Variants in BTRC observed in about 807,000 individuals in gnomAD.
The protein encoded by BTRC is beta-transducin repeat containing E3 ubiquitin protein ligase, also known as F-box/WD repeat-containing protein 1A.
Under a neutral mutation model 85.5 loss-of-function variants are expected in BTRC, and 42 were observed. The ratio of observed to expected loss-of-function variants is 0.49; its 90% CI spans 0.38 to 0.64. The LOEUF is 0.64. Among genes scored for constraint, BTRC ranks in the 30% least tolerant of loss-of-function variants. The pLI, the probability that BTRC is intolerant of heterozygous loss-of-function variation, is 0.00. For missense variants in BTRC, 594 were observed against 743.5 expected (o/e 0.80, Z 2.34); for synonymous variants, 255 against 263.3 (o/e 0.97, Z 0.30).
intron 1 of BTRC, 83 bp downstream of exon 1, chr10:101,354,311 G>C: frequency 2.0e-6 from 3 of 1,480,066 alleles, no homozygotes; most frequent in Non-Finnish European, 9.1e-7. Flanking sequence ...CCCACTGCGG[G>C]ACCGGGCAGC....
At chr10:101,406,101 G>A (rs145847638) in intron 1 of BTRC, among the ~76,000 whole-genome samples, 4,376 of 151,120 alleles carry the variant, frequency 0.029, 110 homozygotes, top group Middle Eastern at 0.049. Flanking sequence ...GTTAGTAGTG[G>A]TACATATACT....
intron 1 of BTRC, among the ~76,000 whole-genome samples, chr10:101,412,828 A>G (rs932326152): frequency 3.3e-5 from 5 of 152,370 alleles, no homozygotes; most frequent in African/African-American, 1.2e-4. Flanking sequence ...TTAAGTTTAT[A>G]TACAGACAAT....
At chr10:101,552,881 A>G (rs1046913625) in intron 14 of BTRC, among the ~76,000 whole-genome samples, 3 of 152,182 alleles carry the variant, frequency 2.0e-5, no homozygotes, top group East Asian at 3.9e-4. Context: ...AGCTATGCCA[A>G]CCGTGGGCAC....
chr10:101,449,061 C>T (rs1589482124), intron 2 of BTRC, among the ~76,000 whole-genome samples: 1 of 151,810 alleles, frequency 6.6e-6, no homozygotes, highest in Non-Finnish European at 1.5e-5. Context: ...AAGACCAGTC[C>T]ATATTAGAGA....
chr10:101,364,999 A>G (rs1328688955), intron 1 of BTRC: 3 of 152,028 alleles, frequency 2.0e-5, no homozygotes, highest in Admixed American at 6.6e-5. Flanking sequence ...GAGAACAGAT[A>G]CTACACTTGA....
rs988555444 is a variant in BTRC, at chr10:101,553,217, A to G, written c.*94A>G. The G allele has an allele frequency of 2.0e-5, 3 of 152,710 alleles. No individual in the cohort carries two copies. The highest frequency in any genetic ancestry group is 7.2e-5 in the African/African-American group (3 of 41,480). 9.5% of individuals were successfully genotyped at this position (152,710 alleles called of 1,614,324 possible). On this transcript the variant is annotated 3_prime_UTR_variant, in exon 15 of 15. Coordinates refer to ENST00000370187, the MANE Select transcript of BTRC (RefSeq NM_033637.4). ...TACCAGGATGAGCAACAACAGTAAC[A>G]ATCAAACTACTGCCCAGTTTCCCTG...
chr10:101,390,424 G>A (rs1326086313), intron 1 of BTRC, among the ~76,000 whole-genome samples: 1 of 147,186 alleles, frequency 6.8e-6, no homozygotes, highest in Non-Finnish European at 1.5e-5. Context: ...TGCAAGCTTC[G>A]CCTCCCGGGT....
chr10:101,375,228 C>A (rs917940389), intron 1 of BTRC, among the ~76,000 whole-genome samples: 7 of 152,196 alleles, frequency 4.6e-5, no homozygotes, highest in African/African-American at 1.7e-4. Flanking sequence ...AGAGTTCTCA[C>A]AAGTTCTGGT....
At chr10:101,413,373 G>A (rs550024542) in intron 1 of BTRC, among the ~76,000 whole-genome samples, 7 of 152,170 alleles carry the variant, frequency 4.6e-5, no homozygotes, top group Admixed American at 3.9e-4. Flanking sequence ...GAGTGCAGTG[G>A]TGCAATCTCG....
chr10:101,449,768 C>G (rs796368251), intron 2 of BTRC, among the ~76,000 whole-genome samples: 1 of 151,348 alleles, frequency 6.6e-6, no homozygotes, highest in Non-Finnish European at 1.5e-5. Context: ...TATTTCTCTA[C>G]TTTGTACATT....
intron 1 of BTRC, among the ~76,000 whole-genome samples, chr10:101,385,620 T>TC (rs994717264): frequency 1.9e-4 from 26 of 139,670 alleles, no homozygotes; most frequent in African/African-American, 5.0e-4. Flanking sequence ...TTCTTCTTCT[T>TC]TTTTTTTTTT....
At chr10:101,410,956 T>C (rs1331261820) in intron 1 of BTRC, among the ~76,000 whole-genome samples, 1 of 151,814 alleles carries the variant, frequency 6.6e-6, no homozygotes, top group Non-Finnish European at 1.5e-5. Flanking sequence ...AAATTTTAAA[T>C]GAAACAATTT....
intron 1 of BTRC, among the ~76,000 whole-genome samples, chr10:101,416,822 C>G (rs1943958372): frequency 6.6e-6 from 1 of 152,156 alleles, no homozygotes; most frequent in Non-Finnish European, 1.5e-5. Flanking sequence ...GTTGTTCTCT[C>G]TCTCATGGCT....
intron 3 of BTRC, among the ~76,000 whole-genome samples, chr10:101,476,801 T>G (rs1423835516): frequency 6.6e-6 from 1 of 152,198 alleles, no homozygotes; most frequent in African/African-American, 2.4e-5. Context: ...GTTAAAAAAT[T>G]GAATTCTTTG....
intron 6 of BTRC, among the ~76,000 whole-genome samples, chr10:101,529,639 C>T (rs1375854011): frequency 6.6e-6 from 1 of 152,096 alleles, no homozygotes; most frequent in Non-Finnish European, 1.5e-5. Context: ...TTTCATTAAT[C>T]CCCCTTTTTA....
intron 3 of BTRC, among the ~76,000 whole-genome samples, chr10:101,462,380 A>C (rs1207978110): frequency 6.6e-6 from 1 of 152,158 alleles, no homozygotes. Context: ...ATTGTTAATA[A>C]TAACTTAAAA....
At chr10:101,354,296 G>T (rs533188802) in intron 1 of BTRC, 68 bp downstream of exon 1, 5 of 1,519,116 alleles carry the variant, frequency 3.3e-6, no homozygotes, top group South Asian at 2.4e-5. Flanking sequence ...GGCCTGGGCC[G>T]CCCGCCCACT....
chr10:101,420,639 A>G (rs369679821), intron 1 of BTRC, among the ~76,000 whole-genome samples: 28 of 152,116 alleles, frequency 1.8e-4, no homozygotes, highest in African/African-American at 6.7e-4. Context: ...CCCTCCCAGC[A>G]GATTTTTTCC....
intron 1 of BTRC, among the ~76,000 whole-genome samples, chr10:101,368,791 G>T (rs1942549848): frequency 6.6e-6 from 1 of 152,116 alleles, no homozygotes. Flanking sequence ...GGCTGGGGCA[G>T]GTAGATCGCT....
Sources: gnomAD v4.1 joint callset for allele counts (sites outside exome capture counted in the v4.1 genomes callset) on GRCh38, gnomAD v4.1.1 for gene constraint, MANE v1.5 for transcripts, NCBI Gene and HGNC (gene_info 2026-07-23, HGNC 2026-07-21) for gene names.